The following RNF152 variants were observed in gnomAD, a reference collection of about 807,000 sequenced individuals.
RNF152 encodes the protein E3 ubiquitin-protein ligase RNF152.
Under a neutral mutation model 12.7 loss-of-function variants are expected in RNF152, and 11 were observed. The ratio of observed to expected loss-of-function variants is 0.86; its 90% CI spans 0.54 to 1.43. The LOEUF is 1.43. RNF152 is among the 40% of genes most tolerant of loss of function. RNF152 has a pLI of 0.00. For synonymous variants in RNF152, 113 were observed against 120.3 expected (o/e 0.94, Z 0.40); for missense variants, 255 against 274.8 (o/e 0.93, Z 0.51).
At chr18:61,817,457 G>A (rs561549542) in intron 1 of RNF152, among the ~76,000 whole-genome samples, 196 of 152,194 alleles carry the variant, frequency 1.3e-3, no homozygotes, top group Middle Eastern at 3.4e-3. Context: ...GAATAGATAC[G>A]GTCAGCCCTT....
intron 1 of RNF152, among the ~76,000 whole-genome samples, chr18:61,849,403 A>G (rs953140657): frequency 1.3e-5 from 2 of 152,172 alleles, no homozygotes; most frequent in African/African-American, 4.8e-5. Context: ...AATTATGTCA[A>G]AAGTGTCACA....
intron 1 of RNF152, among the ~76,000 whole-genome samples, chr18:61,831,590 C>T (rs1214283622): frequency 3.9e-5 from 6 of 152,090 alleles, no homozygotes; most frequent in African/African-American, 1.2e-4. Flanking sequence ...TCCAAGACTA[C>T]GCACAAAGTA....
chr18:61,854,826 C>T (rs1911145874), intron 1 of RNF152, among the ~76,000 whole-genome samples: 1 of 152,156 alleles, frequency 6.6e-6, no homozygotes, highest in African/African-American at 2.4e-5. Flanking sequence ...TATATTTCGC[C>T]TATGTCTGTG....
chr18:61,825,315 G>A (rs1049895345), intron 1 of RNF152, among the ~76,000 whole-genome samples: 1 of 152,188 alleles, frequency 6.6e-6, no homozygotes, highest in African/African-American at 2.4e-5. Context: ...AACTGAGCAT[G>A]TATGTCCAAT....
intron 1 of RNF152, among the ~76,000 whole-genome samples, chr18:61,880,146 C>G (rs913405384): frequency 1.3e-5 from 2 of 151,984 alleles, no homozygotes; most frequent in African/African-American, 4.8e-5. Context: ...TAGCACAGGA[C>G]AAAACTCAGG....
At chr18:61,864,928 G>A (rs1254701002) in intron 1 of RNF152, among the ~76,000 whole-genome samples, 1 of 152,192 alleles carries the variant, frequency 6.6e-6, no homozygotes, top group Non-Finnish European at 1.5e-5. Context: ...GCTGAGGCAG[G>A]AGAATCGCTT....
At position 61,826,488 on chromosome 18, in the gene RNF152, TTCC is replaced by T. The variant is rs200310382; in HGVS notation, c.-135-9893_-135-9891del. On this transcript the variant is annotated intron_variant, in intron 1 of 1. Transcript: ENST00000312828. ...TCTTCCCATACAGGCCTTTCTCACCTTCCTCCCTTTCCCCTACTAAGTTAGGTA... is the reference window on the plus strand; with the variant it reads ...TCTTCCCATACAGGCCTTTCTCACCTTCCCTTTCCCCTACTAAGTTAGGTA... Among the ~76,000 whole-genome samples, 225 of 152,316 alleles carry T rather than the reference TTCC, an allele frequency of 1.5e-3. 5 individuals carry two copies. In the East Asian group the frequency reaches 0.037, roughly 25 times the overall value.
chr18:61,866,950 T>C (rs1258631112), intron 1 of RNF152, among the ~76,000 whole-genome samples: 1 of 152,200 alleles, frequency 6.6e-6, no homozygotes, highest in Non-Finnish European at 1.5e-5. Context: ...TTAGATCCCT[T>C]ATAAGCTGGG....
intron 1 of RNF152, among the ~76,000 whole-genome samples, chr18:61,841,626 C>G (rs1910458941): frequency 6.6e-6 from 1 of 152,218 alleles, no homozygotes; most frequent in African/African-American, 2.4e-5. Context: ...GCTCACAAAC[C>G]CCTCTACCTC....
At chr18:61,823,998 C>T (rs945843397) in intron 1 of RNF152, among the ~76,000 whole-genome samples, 1 of 152,220 alleles carries the variant, frequency 6.6e-6, no homozygotes, top group Non-Finnish European at 1.5e-5. Flanking sequence ...TACCCAGCCC[C>T]AGGTGCATTT....
chr18:61,874,060 T>A (rs551973986), intron 1 of RNF152, among the ~76,000 whole-genome samples: 29 of 152,358 alleles, frequency 1.9e-4, no homozygotes, highest in African/African-American at 7.0e-4. Context: ...GTGTACTTTG[T>A]CTAATTAATT....
chr18:61,820,207 T>C (rs1909322699), intron 1 of RNF152, among the ~76,000 whole-genome samples: 1 of 150,576 alleles, frequency 6.6e-6, no homozygotes, highest in Non-Finnish European at 1.5e-5. Flanking sequence ...CGGACGCCTG[T>C]AGTCCCAGCT....
Position 61,815,969 on chromosome 18 carries a change from G to A in RNF152, c.495C>T (p.Thr165=), listed in dbSNP as rs4538107. The A allele has an allele frequency of 2.5e-6, 4 of 1,614,038 alleles. No homozygotes were observed. Among genetic ancestry groups the A allele is most frequent in the Non-Finnish European group, 3.4e-6 (4 of 1,180,024 alleles). The part of the protein sequence containing the change: ...QDRRGVVKSS[T]WSGVCTVILV... ...AGATGACAGTGCACACCCCCGACCA[G>A]GTGGAGCTTTTCACCACGCCCCGCC... Residue 165 remains threonine (T), a synonymous_variant, in exon 2 of 2, where the codon ACC becomes ACT. Coordinates refer to ENST00000312828, the MANE Select transcript of RNF152 (RefSeq NM_173557.3).
At position 61,812,703 on chromosome 18, in the gene RNF152, G is replaced by T. The variant is rs1016310512; in HGVS notation, c.*3149C>A. ...TCACTGTCCTTTACATACAAGTGGG[G>T]TGGGAGGTTTGGACACCAATGTTTT... On this transcript the variant is annotated 3_prime_UTR_variant, in exon 2 of 2. Coordinates refer to ENST00000312828, the MANE Select transcript of RNF152 (RefSeq NM_173557.3). The T allele has an allele frequency of 2.6e-5, 4 of 152,152 alleles. No homozygotes were observed. Among genetic ancestry groups the T allele is most frequent in the Non-Finnish European group, 5.9e-5 (4 of 68,040 alleles). 9.4% of individuals were successfully genotyped at this position (152,152 alleles called of 1,614,324 possible).
At chr18:61,883,293 C>A (rs1912545510) in intron 1 of RNF152, among the ~76,000 whole-genome samples, 1 of 152,122 alleles carries the variant, frequency 6.6e-6, no homozygotes. Flanking sequence ...AGCGGCTACC[C>A]CTTTTTAAGA....
intron 1 of RNF152, among the ~76,000 whole-genome samples, chr18:61,840,090 A>G (rs974735775): frequency 1.3e-5 from 2 of 152,056 alleles, no homozygotes; most frequent in African/African-American, 2.4e-5. Flanking sequence ...GGGCACAGCT[A>G]GAAAATAAAT....
intron 1 of RNF152, among the ~76,000 whole-genome samples, chr18:61,880,927 T>C (rs955499363): frequency 1.3e-5 from 2 of 151,452 alleles, no homozygotes; most frequent in Non-Finnish European, 2.9e-5. Context: ...TTTTTTTTTT[T>C]TTTGAGACGG....
At chr18:61,881,536 G>A (rs972150562) in intron 1 of RNF152, among the ~76,000 whole-genome samples, 60 of 152,116 alleles carry the variant, frequency 3.9e-4, no homozygotes, top group Middle Eastern at 3.2e-3. Context: ...TACTAAAAGC[G>A]GTAACAGAAG....
intron 1 of RNF152, among the ~76,000 whole-genome samples, chr18:61,840,409 C>A (rs1428961700): frequency 6.6e-6 from 1 of 152,156 alleles, no homozygotes; most frequent in Non-Finnish European, 1.5e-5. Context: ...TCTTTATAAC[C>A]CAGAACCCCA....
Sources: gnomAD v4.1 joint callset for allele counts (sites outside exome capture counted in the v4.1 genomes callset) on GRCh38, gnomAD v4.1.1 for gene constraint, MANE v1.5 for transcripts, NCBI Gene and HGNC (gene_info 2026-07-23, HGNC 2026-07-21) for gene names.